NR5A2: variants seen among roughly 807,000 people sequenced by gnomAD.
NR5A2 encodes nuclear receptor subfamily 5 group A member 2, also known as CYP7A promoter-binding factor.
Under a neutral mutation model 62.7 loss-of-function variants are expected in NR5A2, and 26 were observed. The observed-to-expected ratio is 0.41, with a 90% confidence interval of 0.30 to 0.58. The LOEUF is 0.58. NR5A2 is among the 20% of genes least tolerant of loss of function. The pLI, the probability that NR5A2 is intolerant of heterozygous loss-of-function variation, is 0.22. For synonymous variants in NR5A2, 246 were observed against 241.7 expected, an observed-to-expected ratio of 1.02 and a Z score of -0.16; for missense variants, 541 against 669.1, an observed-to-expected ratio of 0.81 and a Z score of 2.11.
At chr1:200,062,227 T>TTGTGTGTGTGTGTGTGTGTGTG (rs6143563) in intron 5 of NR5A2, among the ~76,000 whole-genome samples, 4,291 of 145,564 alleles carry the variant, frequency 0.029, 94 homozygotes, top group Middle Eastern at 0.042. Context: ...CTGGCAGATT[T>TTGTGTGTGTGTGTGTGTGTGTG]TGTGTGTGTG....
intron 7 of NR5A2, among the ~76,000 whole-genome samples, chr1:200,171,357 T>G (rs996805569): frequency 2.0e-5 from 3 of 152,154 alleles, no homozygotes; most frequent in African/African-American, 7.2e-5. Context: ...TTAGCCAAAA[T>G]ATGAGACACC....
At chr1:200,054,681 T>C (rs1662826489) in intron 5 of NR5A2, among the ~76,000 whole-genome samples, 1 of 152,240 alleles carries the variant, frequency 6.6e-6, no homozygotes. Context: ...TTTTTAAGTA[T>C]AGCTTTATCT....
At chr1:200,100,320 C>CTTTATTTA (rs34615334) in intron 5 of NR5A2, among the ~76,000 whole-genome samples, 12 of 151,616 alleles carry the variant, frequency 7.9e-5, no homozygotes, top group South Asian at 4.2e-4. Context: ...CATATTTTGC[C>CTTTATTTA]TTTATTTATT....
chr1:200,053,148 A>G (rs2821377), intron 5 of NR5A2, among the ~76,000 whole-genome samples: 2,734 of 152,316 alleles, frequency 0.018, 71 homozygotes, highest in African/African-American at 0.062. Flanking sequence ...ACAACTCCCC[A>G]ACTCTCATAG....
chr1:200,108,627 G>A (rs1558143950), intron 5 of NR5A2, among the ~76,000 whole-genome samples: 1 of 152,184 alleles, frequency 6.6e-6, no homozygotes, highest in East Asian at 1.9e-4. Flanking sequence ...CAATTTCAAA[G>A]TAAAGTATTT....
chr1:200,087,255 C>T (rs975380226), intron 5 of NR5A2, among the ~76,000 whole-genome samples: 2 of 152,062 alleles, frequency 1.3e-5, no homozygotes, highest in Non-Finnish European at 2.9e-5. Context: ...CACACACACA[C>T]ACACACACAC....
chr1:200,143,433 TTC>T (rs1252831541), intron 7 of NR5A2, among the ~76,000 whole-genome samples: 5 of 151,734 alleles, frequency 3.3e-5, no homozygotes, highest in African/African-American at 7.3e-5. Context: ...TGTTTTTTTT[TTC>T]CCCCTTCTTT....
chr1:200,102,628 A>T (rs1467141122), intron 5 of NR5A2, among the ~76,000 whole-genome samples: 1 of 152,140 alleles, frequency 6.6e-6, no homozygotes, highest in East Asian at 1.9e-4. Context: ...CCTCTGCTTT[A>T]CTTCCAATTT....
intron 7 of NR5A2, among the ~76,000 whole-genome samples, chr1:200,153,124 T>C (rs1653212802): frequency 6.6e-6 from 1 of 152,262 alleles, no homozygotes; most frequent in Admixed American, 6.5e-5. Flanking sequence ...GCTGGTGTTT[T>C]GCATGTTACT....
At chr1:200,056,004 C>T (rs181551066) in intron 5 of NR5A2, among the ~76,000 whole-genome samples, 4 of 152,272 alleles carry the variant, frequency 2.6e-5, no homozygotes, top group East Asian at 3.9e-4. Flanking sequence ...TTCATGGTCT[C>T]TAAGGTCTCT....
chr1:200,134,152 A>G (rs1667112939), intron 7 of NR5A2, among the ~76,000 whole-genome samples: 1 of 152,248 alleles, frequency 6.6e-6, no homozygotes, highest in African/African-American at 2.4e-5. Flanking sequence ...TTTATAAAGT[A>G]ACAAAGGTAT....
At chr1:200,038,150 G>A (rs1428996367) in intron 1 of NR5A2, among the ~76,000 whole-genome samples, 1 of 149,980 alleles carries the variant, frequency 6.7e-6, no homozygotes, top group Non-Finnish European at 1.5e-5. Context: ...TGGGCTGGTG[G>A]TCGAAGAGCT....
intron 7 of NR5A2, among the ~76,000 whole-genome samples, chr1:200,145,600 G>T (rs1667666203): frequency 6.6e-6 from 1 of 151,888 alleles, no homozygotes; most frequent in African/African-American, 2.4e-5. Context: ...AGAAGGTCGG[G>T]TTACACTAGG....
intron 1 of NR5A2, 82 bp downstream of exon 1, chr1:200,027,993 T>C: frequency 3.1e-6 from 3 of 962,564 alleles, no homozygotes; most frequent in African/African-American, 1.7e-5. Flanking sequence ...GGATTTTGCA[T>C]TTTAAGTCAT....
At chr1:200,068,421 C>G (rs140072546) in intron 5 of NR5A2, among the ~76,000 whole-genome samples, 1 of 151,962 alleles carries the variant, frequency 6.6e-6, no homozygotes, top group Non-Finnish European at 1.5e-5. Flanking sequence ...CCCACTACTT[C>G]GAAACTTACT....
chr1:200,039,734 G>A lies in NR5A2; in HGVS notation c.141G>A (p.Thr47=), dbSNP rs762525958. ...TTGTCATGCTGCCCAAAGTGGAGAC[G>A]GAAGCCCTGGGACTGGCTCGATCGC... ...GRLVMLPKVE[T]EALGLARSHG... is the part of the protein sequence containing the mutation. The change falls in exon 2 of 8, where the codon ACG becomes ACA. Residue 47 remains threonine, a synonymous_variant. Coordinates refer to ENST00000367362, the MANE Select transcript of NR5A2 (RefSeq NM_205860.3). This position sits in a 1 kb window ranked among gnomAD's most constrained non-coding sequence, Gnocchi z 5.1. 9 of 1,611,892 alleles carry A rather than the reference G, an allele frequency of 5.6e-6. No homozygotes were observed. The highest frequency in any genetic ancestry group is 5.0e-5 in the Admixed American group (3 of 59,936).
intron 5 of NR5A2, among the ~76,000 whole-genome samples, chr1:200,094,162 C>T (rs1357134172): frequency 2.0e-5 from 3 of 148,130 alleles, no homozygotes; most frequent in Non-Finnish European, 3.0e-5. Context: ...GAGTGAGACG[C>T]TGTCTCAAAA....
chr1:200,053,455 T>C (rs1469412278), intron 5 of NR5A2, among the ~76,000 whole-genome samples: 1 of 152,104 alleles, frequency 6.6e-6, no homozygotes, highest in Non-Finnish European at 1.5e-5. Context: ...CAGAAGGGAA[T>C]GTAATCTGCC....
intron 7 of NR5A2, among the ~76,000 whole-genome samples, chr1:200,163,731 T>C (rs1374316945): frequency 6.6e-6 from 1 of 152,096 alleles, no homozygotes; most frequent in East Asian, 1.9e-4. Flanking sequence ...CCTCCAGCCT[T>C]GGCCTGCCAA....
Sources: allele counts gnomAD v4.1 joint callset (sites outside exome capture counted in the v4.1 genomes callset), GRCh38; gene constraint gnomAD v4.1.1; non-coding constraint Gnocchi (gnomAD v3.1); transcripts MANE v1.5; gene names NCBI Gene and HGNC (gene_info 2026-07-23, HGNC 2026-07-21).